Variants in SPATA16 observed in about 807,000 individuals in gnomAD.
SPATA16 encodes spermatogenesis associated 16.
Under a neutral mutation model 63.3 loss-of-function variants are expected in SPATA16, and 36 were observed. The ratio of observed to expected loss-of-function variants is 0.57; its 90% CI spans 0.44 to 0.75. SPATA16 has a LOEUF of 0.75. SPATA16 is among the 30% of genes least tolerant of loss of function. The pLI is 0.00. For missense variants in SPATA16, 646 were observed against 679.3 expected, an observed-to-expected ratio of 0.95 and a Z score of 0.54; for synonymous variants, 203 against 216.7, an observed-to-expected ratio of 0.94 and a Z score of 0.56.
chr3:173,105,025 C>T (rs1038804058), intron 2 of SPATA16, among the ~76,000 whole-genome samples: 1 of 152,094 alleles, frequency 6.6e-6, no homozygotes, highest in Non-Finnish European at 1.5e-5. Context: ...AAGGCTGTGC[C>T]CTGCAAGACC....
At chr3:173,000,730 A>C (rs1292205361) in intron 4 of SPATA16, among the ~76,000 whole-genome samples, 1 of 135,736 alleles carries the variant, frequency 7.4e-6, no homozygotes. Flanking sequence ...TTTTTTTTTC[A>C]GTGTTTTCTT....
chr3:173,081,571 G>C (rs766673772), intron 2 of SPATA16, among the ~76,000 whole-genome samples: 1 of 152,046 alleles, frequency 6.6e-6, no homozygotes, highest in African/African-American at 2.4e-5. Flanking sequence ...AACAAGCAGG[G>C]GGCAATTTTA....
intron 6 of SPATA16, among the ~76,000 whole-genome samples, chr3:172,952,855 G>A (rs1020543071): frequency 6.8e-6 from 1 of 147,540 alleles, no homozygotes; most frequent in Admixed American, 7.0e-5. Context: ...CAGGAGAATC[G>A]CTTGAACCCG....
At chr3:172,958,470 G>C (rs1204828066) in intron 5 of SPATA16, among the ~76,000 whole-genome samples, 1 of 152,160 alleles carries the variant, frequency 6.6e-6, no homozygotes, top group Non-Finnish European at 1.5e-5. Context: ...CATCAAGCGC[G>C]TGGTTGCACA....
intron 2 of SPATA16, among the ~76,000 whole-genome samples, chr3:173,097,333 G>A (rs1388588244): frequency 1.3e-5 from 2 of 152,112 alleles, no homozygotes; most frequent in Non-Finnish European, 2.9e-5. Flanking sequence ...CCAAAGAGAA[G>A]CCATAAAGTA....
intron 10 of SPATA16, among the ~76,000 whole-genome samples, chr3:172,904,139 C>G (rs1185433343): frequency 1.3e-5 from 2 of 152,166 alleles, no homozygotes; most frequent in African/African-American, 2.4e-5. Context: ...AAAGATGTCT[C>G]TCTTATAGGG....
chr3:173,126,242 C>T (rs1738224703), intron 1 of SPATA16, among the ~76,000 whole-genome samples: 2 of 152,188 alleles, frequency 1.3e-5, no homozygotes, highest in Admixed American at 1.3e-4. Context: ...AATTGTACAA[C>T]TTGCTATCCT....
At chr3:173,058,691 G>C (rs1162451635) in intron 2 of SPATA16, among the ~76,000 whole-genome samples, 2 of 152,106 alleles carry the variant, frequency 1.3e-5, no homozygotes, top group South Asian at 2.1e-4. Context: ...TGGGTATACT[G>C]TTTGCTCATA....
At chr3:172,954,345 G>C (rs959175863) in intron 6 of SPATA16, among the ~76,000 whole-genome samples, 9 of 152,172 alleles carry the variant, frequency 5.9e-5, no homozygotes, top group African/African-American at 2.2e-4. Flanking sequence ...CATGAGAACA[G>C]TATGGGGGAA....
chr3:173,139,158 A>G (rs998137686), intron 1 of SPATA16, among the ~76,000 whole-genome samples: 1 of 152,230 alleles, frequency 6.6e-6, no homozygotes, highest in South Asian at 2.1e-4. Context: ...TAACCGCTCA[A>G]TAAATGCTAA....
chr3:173,073,433 G>A (rs1736719414), intron 2 of SPATA16, among the ~76,000 whole-genome samples: 1 of 152,192 alleles, frequency 6.6e-6, no homozygotes, highest in African/African-American at 2.4e-5. Context: ...CTGGGCCCAG[G>A]GACACCCTGC....
intron 4 of SPATA16, among the ~76,000 whole-genome samples, chr3:173,019,215 G>A (rs565011090): frequency 2.0e-5 from 3 of 152,054 alleles, no homozygotes; most frequent in Admixed American, 6.6e-5. Context: ...GAGGTCAAGC[G>A]CATTTCTATT....
chr3:173,047,389 G>A lies in SPATA16; in HGVS notation c.758+1560C>T, dbSNP rs188513154. On this transcript the variant is annotated intron_variant, in intron 3 of 10. Transcript: ENST00000351008. ...TTCTTTTAAAATGTAGGCCATGTAG[G>A]CGGCCCTTTTTATTTGTGATTATAA... Among the ~76,000 whole-genome samples, 295 of 151,960 alleles carry A rather than the reference G, an allele frequency of 1.9e-3. 1 individual carries two copies. The highest frequency in any genetic ancestry group is 9.9e-3 in the South Asian group (48 of 4,826).
In SPATA16 at chr3:173,073,686, A is replaced by G. The variant is rs372426383; in HGVS notation, c.613-24592T>C. Among the ~76,000 whole-genome samples the G allele has an allele frequency of 4.6e-3, 700 of 152,286 alleles. 8 individuals carry two copies. Among genetic ancestry groups the G allele is most frequent in the African/African-American group, 0.014 (580 of 41,554 alleles). ...ATGCAGGGCAGGACCCTCATGGAGAACCTCTGCTAGGGCAGTGCAGAAGGG... is the reference window on the plus strand; with the variant it reads ...ATGCAGGGCAGGACCCTCATGGAGAGCCTCTGCTAGGGCAGTGCAGAAGGG... On this transcript the variant is annotated intron_variant, in intron 2 of 10. Transcript: ENST00000351008.
chr3:172,941,015 T>G (rs1057468455), intron 6 of SPATA16, among the ~76,000 whole-genome samples: 3 of 151,664 alleles, frequency 2.0e-5, no homozygotes, highest in Non-Finnish European at 4.4e-5. Flanking sequence ...ATAAGCAAAT[T>G]ACATAAAAAA....
chr3:172,913,342 C>T (rs1042986497), intron 10 of SPATA16, among the ~76,000 whole-genome samples: 10 of 151,998 alleles, frequency 6.6e-5, no homozygotes, highest in African/African-American at 2.4e-4. Context: ...GACTAAAACA[C>T]TGATGAAAGG....
intron 1 of SPATA16, among the ~76,000 whole-genome samples, chr3:173,133,855 G>T (rs1738452631): frequency 6.6e-6 from 1 of 152,058 alleles, no homozygotes; most frequent in South Asian, 2.1e-4. Flanking sequence ...CACAAACTTG[G>T]CTTAATAGAC....
intron 3 of SPATA16, among the ~76,000 whole-genome samples, chr3:173,027,458 T>TG (rs778302587): frequency 4.6e-5 from 7 of 152,004 alleles, no homozygotes; most frequent in Non-Finnish European, 8.8e-5. Context: ...TTGTTGTTGT[T>TG]GCTGTTGTTT....
At chr3:173,046,992 A>G (rs1212452577) in intron 3 of SPATA16, among the ~76,000 whole-genome samples, 1 of 151,988 alleles carries the variant, frequency 6.6e-6, no homozygotes, top group Admixed American at 6.6e-5. Context: ...ATTGTAACGT[A>G]ATAGGAAAGA....
Sources: allele counts gnomAD v4.1 joint callset (sites outside exome capture counted in the v4.1 genomes callset), GRCh38; gene constraint gnomAD v4.1.1; transcripts MANE v1.5; gene names NCBI Gene and HGNC (gene_info 2026-07-23, HGNC 2026-07-21).